Variants in GLUD1 observed in about 807,000 individuals in gnomAD.
GLUD1 encodes the protein glutamate dehydrogenase 1, mitochondrial.
GLUD1 carries 22 observed loss-of-function variants against 56.0 expected under a neutral mutation model. That is an observed-to-expected ratio of 0.39 (90% CI 0.28 to 0.56). The LOEUF (loss-of-function observed/expected upper bound fraction) is 0.56, where lower values mean the gene tolerates loss of function less well. GLUD1 is among the 20% of genes least tolerant of loss of function. GLUD1 has a pLI of 0.58. For missense variants in GLUD1, 451 were observed against 732.0 expected (o/e 0.62, Z 4.43); for synonymous variants, 223 against 269.9 (o/e 0.83, Z 1.70).
rs1273946240 is a variant in GLUD1 at position 87,094,650 on chromosome 10, G to A, written c.120C>T (p.Ala40=). 1 of 1,597,792 alleles carries A rather than the reference G, an allele frequency of 6.3e-7. No individual in the cohort carries two copies. The highest frequency in any genetic ancestry group is 8.5e-7 in the Non-Finnish European group (1 of 1,173,174). ...CGGCCAATGCCAGCCCCGGCTGCGG[G>A]GCGGCGGCGGGCTGTCCCCGGGCCC... ...LGWARGQPAA[A]PQPGLALAAR... Residue 40 remains alanine (A), a synonymous_variant, in exon 1 of 13, where the codon GCC becomes GCT. Coordinates refer to ENST00000277865, the MANE Select transcript of GLUD1 (RefSeq NM_005271.5). This position sits in a 1 kb window ranked among gnomAD's most constrained non-coding sequence, Gnocchi z 6.6.
intron 4 of GLUD1, 96 bp from the exon 5 acceptor site, chr10:87,068,253 C>T (rs1846131762): frequency 1.3e-6 from 1 of 756,676 alleles, no homozygotes; most frequent in African/African-American, 1.7e-5. Flanking sequence ...AACCAAGTTA[C>T]CATGGCTAGA....
At chr10:87,079,896 C>G (rs1197274364) in intron 1 of GLUD1, among the ~76,000 whole-genome samples, 57 of 133,342 alleles carry the variant, frequency 4.3e-4, no homozygotes, top group Admixed American at 4.1e-3. Context: ...TGCTCTCCCT[C>G]TCCCTCCCCC....
intron 1 of GLUD1, chr10:87,089,715 T>G (rs966822855): frequency 2.0e-6 from 2 of 979,872 alleles, no homozygotes; most frequent in Non-Finnish European, 1.2e-6. Context: ...CTTTCCTGCC[T>G]TTAACAGTAG....
chr10:87,064,964 G>A lies in GLUD1; in HGVS notation c.742-2129C>T, dbSNP rs773591318. 2.7e-4 allele frequency among the ~76,000 whole-genome samples: 41 copies of A among 152,016 alleles called. 2 individuals are homozygous for A. Among genetic ancestry groups the A allele is most frequent in the Non-Finnish European group, 4.3e-4 (29 of 67,994 alleles). Reference sequence around the variant, plus strand: ...TAGGTGGGGCTAGGACAAAGAGGGCGGCACGTTTCAGTTCACATCTAGAAA... The same window carrying A: ...TAGGTGGGGCTAGGACAAAGAGGGCAGCACGTTTCAGTTCACATCTAGAAA... On this transcript the variant is annotated intron_variant, in intron 5 of 12. Transcript: ENST00000277865.
chr10:87,072,901 A>G (rs1265864291), intron 4 of GLUD1, among the ~76,000 whole-genome samples: 1 of 152,224 alleles, frequency 6.6e-6, no homozygotes, highest in Non-Finnish European at 1.5e-5. Flanking sequence ...CACTCCTATA[A>G]AAGTGTGAGC....
chr10:87,094,097 G>T lies in GLUD1; in HGVS notation c.445+228C>A. The T allele has an allele frequency of 6.6e-7, 1 of 1,507,844 alleles. No individual in the cohort carries two copies. Among genetic ancestry groups the T allele is most frequent in the Non-Finnish European group, 8.8e-7 (1 of 1,130,890 alleles). The allele number at this position is 1,507,844 out of a possible 1,614,324, so 93.4% of individuals were successfully genotyped here. Reference sequence around the variant, plus strand: ...CAAGATCAGCATATACAGAGGCCCGGGGTGACGGCGCGGGGGAGGGGGCAG... The same window carrying T: ...CAAGATCAGCATATACAGAGGCCCGTGGTGACGGCGCGGGGGAGGGGGCAG... On this transcript the variant is annotated intron_variant, in intron 1 of 12. Transcript: ENST00000277865. This position sits in a 1 kb window ranked among gnomAD's most constrained non-coding sequence, Gnocchi z 6.6.
At chr10:87,092,255 T>C (rs60602936) in intron 1 of GLUD1, among the ~76,000 whole-genome samples, 4,674 of 152,314 alleles carry the variant, frequency 0.031, 250 homozygotes, top group African/African-American at 0.1. Flanking sequence ...AGGGCTTTCA[T>C]AGCTATGTAA....
At position 87,091,027 on chromosome 10, in the gene GLUD1, C is replaced by A. The variant is rs1164225522; in HGVS notation, c.445+3298G>T. Among the ~76,000 whole-genome samples the A allele has an allele frequency of 3.4e-4, 52 of 152,112 alleles. 1 individual carries two copies. The highest frequency in any genetic ancestry group is 3.3e-3 in the Admixed American group (51 of 15,270). ...TTATGTCATCAAGATTCCACTGTTT[C>A]CTTCTGGCATTTTGACTTTTAAAAA... is the stretch of plus-strand genomic sequence containing the variant. On this transcript the variant is annotated intron_variant, in intron 1 of 12. Coordinates refer to ENST00000277865, the MANE Select transcript of GLUD1 (RefSeq NM_005271.5).
chr10:87,065,301 A>G (rs529419750), intron 5 of GLUD1, among the ~76,000 whole-genome samples: 161 of 125,600 alleles, frequency 1.3e-3, no homozygotes, highest in Non-Finnish European at 2.4e-3. Flanking sequence ...AAAAAAAAAT[A>G]CCACACCCAG....
chr10:87,068,041 G>A (rs373835618), intron 5 of GLUD1, 22 bp downstream of exon 5: 15 of 1,402,172 alleles, frequency 1.1e-5, no homozygotes, highest in African/African-American at 7.0e-5. Flanking sequence ...CAGAAGCCTC[G>A]GGGCTTCCAG....
At chr10:87,052,633 G>GCACTCTA (rs983367474) in intron 12 of GLUD1, among the ~76,000 whole-genome samples, 12 of 120,812 alleles carry the variant, frequency 9.9e-5, no homozygotes, top group African/African-American at 3.9e-4. Flanking sequence ...GTGCGCCACT[G>GCACTCTA]CACTCTAGCC....
intron 9 of GLUD1, among the ~76,000 whole-genome samples, chr10:87,059,820 C>T (rs1845881195): frequency 6.6e-6 from 1 of 152,142 alleles, no homozygotes; most frequent in Admixed American, 6.6e-5. Context: ...CTGAGTAAAG[C>T]TGGAAAGGGC....
In GLUD1 at chr10:87,057,812, T is replaced by C. The variant is rs200210202; in HGVS notation, c.1403-30A>G. On this transcript the variant is annotated intron_variant, in intron 10 of 12. Transcript: ENST00000277865. ...AAAAAAATAACAAGAGATCAAGATA[T>C]TGCTAACAGAAAAAAAAAAAAAAAA... 1,010 of 1,048,564 alleles carry C rather than the reference T, an allele frequency of 9.6e-4. 4 individuals carry two copies. The highest frequency in any genetic ancestry group is 4.2e-4 in the Admixed American group (23 of 55,074). 65.0% of individuals were successfully genotyped at this position (1,048,564 alleles called of 1,614,324 possible).
chr10:87,067,506 A>G (rs1846110920), intron 5 of GLUD1, among the ~76,000 whole-genome samples: 1 of 152,220 alleles, frequency 6.6e-6, no homozygotes, highest in African/African-American at 2.4e-5. Flanking sequence ...AATTATGGGA[A>G]TGAGCCACTG....
chr10:87,087,416 C>T (rs1013812933), intron 1 of GLUD1, among the ~76,000 whole-genome samples: 3 of 152,158 alleles, frequency 2.0e-5, no homozygotes, highest in African/African-American at 7.2e-5. Context: ...CAATCTTCAG[C>T]CCCTTTCCAA....
intron 4 of GLUD1, among the ~76,000 whole-genome samples, chr10:87,068,527 C>T (rs1398366813): frequency 6.6e-6 from 1 of 152,016 alleles, no homozygotes. Context: ...CCATTGTGTT[C>T]TATATAAGCA....
At chr10:87,086,455 C>T (rs533923385) in intron 1 of GLUD1, among the ~76,000 whole-genome samples, 2 of 152,282 alleles carry the variant, frequency 1.3e-5, no homozygotes, top group East Asian at 3.9e-4. Context: ...TTAACTATAA[C>T]TTCATTCTCA....
intron 1 of GLUD1, among the ~76,000 whole-genome samples, chr10:87,081,964 GAAAA>G (rs1313759450): frequency 8.1e-6 from 1 of 122,728 alleles, no homozygotes; most frequent in Admixed American, 8.1e-5. Context: ...AAAAAAAAAA[GAAAA>G]AAAAAAGAAC....
At chr10:87,073,223 C>T (rs1243824100) in intron 4 of GLUD1, among the ~76,000 whole-genome samples, 1 of 152,134 alleles carries the variant, frequency 6.6e-6, no homozygotes, top group Non-Finnish European at 1.5e-5. Context: ...AGTGCAGTGG[C>T]ACAATCATAG....
Sources: gnomAD v4.1 joint callset for allele counts (sites outside exome capture counted in the v4.1 genomes callset) on GRCh38, gnomAD v4.1.1 for gene constraint, Gnocchi (gnomAD v3.1) non-coding constraint, MANE v1.5 for transcripts, NCBI Gene and HGNC (gene_info 2026-07-23, HGNC 2026-07-21) for gene names.